PTPRD: variants seen among roughly 807,000 people sequenced by gnomAD.
PTPRD encodes the protein receptor-type tyrosine-protein phosphatase delta.
In PTPRD, 34 loss-of-function variants were observed where a neutral mutation model predicts 214.5. The ratio of observed to expected loss-of-function variants is 0.16; its 90% CI spans 0.12 to 0.21. The LOEUF (loss-of-function observed/expected upper bound fraction) is 0.21, where lower values mean the gene tolerates loss of function less well. Ranked by LOEUF, PTPRD falls within the 10% of genes least tolerant of loss-of-function variation. PTPRD has a pLI of 1.00. For synonymous variants in PTPRD, 1,128 were observed against 845.7 expected (o/e 1.33, Z -5.79); for missense variants, 2,545 against 2,398.7 (o/e 1.06, Z -1.27).
At chr9:8,448,167 T>TA (rs910530391) in intron 34 of PTPRD, among the ~76,000 whole-genome samples, 44 of 145,880 alleles carry the variant, frequency 3.0e-4, no homozygotes, top group Admixed American at 4.8e-4. Flanking sequence ...TCCACAAAAA[T>TA]AAAAAAAAAA....
intron 35 of PTPRD, among the ~76,000 whole-genome samples, chr9:8,408,110 CT>C (rs2093182306): frequency 6.6e-6 from 1 of 152,102 alleles, no homozygotes; most frequent in Non-Finnish European, 1.5e-5. Flanking sequence ...TGCTGCTGTC[CT>C]CTTAAGGAAG....
chr9:8,542,987 T>C (rs1554752120), intron 14 of PTPRD, among the ~76,000 whole-genome samples: 1 of 152,128 alleles, frequency 6.6e-6, no homozygotes, highest in Non-Finnish European at 1.5e-5. Flanking sequence ...CACAAAATAT[T>C]AGAGTATGAC....
intron 5 of PTPRD, among the ~76,000 whole-genome samples, chr9:9,806,274 CA>C (rs143889921): frequency 2.0e-5 from 3 of 149,548 alleles, no homozygotes; most frequent in East Asian, 2.0e-4. Flanking sequence ...TAGACAGTGC[CA>C]AAAAAAAAGG....
intron 4 of PTPRD, among the ~76,000 whole-genome samples, chr9:10,019,975 A>G (rs562831760): frequency 3.3e-5 from 5 of 152,318 alleles, no homozygotes; most frequent in Admixed American, 3.3e-4. Context: ...GTTAATTCAT[A>G]TACAGGTTAA....
At chr9:9,010,520 G>T (rs556026020) in intron 11 of PTPRD, among the ~76,000 whole-genome samples, 1 of 152,274 alleles carries the variant, frequency 6.6e-6, no homozygotes, top group African/African-American at 2.4e-5. Context: ...GGAAAGAGGA[G>T]TTCTGTTATT....
At chr9:9,301,498 G>A (rs1224505518) in intron 9 of PTPRD, among the ~76,000 whole-genome samples, 1 of 103,444 alleles carries the variant, frequency 9.7e-6, no homozygotes, top group Non-Finnish European at 2.0e-5. Context: ...GTTACCTTGG[G>A]AAATTTTGTG....
intron 2 of PTPRD, among the ~76,000 whole-genome samples, chr9:10,515,632 A>G (rs1250270274): frequency 1.3e-5 from 2 of 151,982 alleles, no homozygotes; most frequent in Non-Finnish European, 2.9e-5. Flanking sequence ...ACAGATTTTT[A>G]AAAGTACAAT....
chr9:9,688,463 T>C (rs1333190433), intron 7 of PTPRD, among the ~76,000 whole-genome samples: 1 of 151,930 alleles, frequency 6.6e-6, no homozygotes, highest in Non-Finnish European at 1.5e-5. Context: ...CAATGTTTTG[T>C]TGTTGCTGCT....
At chr9:9,023,593 G>A (rs768648591) in intron 10 of PTPRD, among the ~76,000 whole-genome samples, 2 of 151,702 alleles carry the variant, frequency 1.3e-5, no homozygotes, top group Non-Finnish European at 2.9e-5. Context: ...TTTGTTACAG[G>A]GGTATATCGC....
chr9:9,514,427 G>A (rs978366348), intron 8 of PTPRD, among the ~76,000 whole-genome samples: 7 of 152,072 alleles, frequency 4.6e-5, no homozygotes. Context: ...GATGAAGCTA[G>A]AGCAAAAGAC....
rs147034790 is a variant in PTPRD at position 9,971,930 on chromosome 9, C to T, written c.-471-33320G>A. ...CTCTCTTTGGAAACATTGCTGGTAACATATTAGAACTTCAGCTTTAGTGAC... is the reference window on the plus strand; with the variant it reads ...CTCTCTTTGGAAACATTGCTGGTAATATATTAGAACTTCAGCTTTAGTGAC... On this transcript the variant is annotated intron_variant, in intron 4 of 45. Transcript: ENST00000381196. Among the ~76,000 whole-genome samples the T allele has an allele frequency of 8.6e-3, 1,311 of 152,096 alleles. 13 individuals are homozygous for T. The highest frequency in any genetic ancestry group is 0.015 in the Non-Finnish European group (1,003 of 67,974).
intron 2 of PTPRD, among the ~76,000 whole-genome samples, chr9:10,519,546 G>C (rs2051437848): frequency 6.6e-6 from 1 of 152,000 alleles, no homozygotes; most frequent in East Asian, 1.9e-4. Context: ...TGAGTATAAT[G>C]TGTCTTAGCA....
intron 12 of PTPRD, among the ~76,000 whole-genome samples, chr9:8,693,907 T>A (rs1470229965): frequency 6.6e-6 from 1 of 152,214 alleles, no homozygotes; most frequent in African/African-American, 2.4e-5. Flanking sequence ...AGCCCTCAGA[T>A]TTTCCTAAAT....
At chr9:8,583,715 G>A (rs1448458472) in intron 14 of PTPRD, among the ~76,000 whole-genome samples, 3 of 152,152 alleles carry the variant, frequency 2.0e-5, no homozygotes, top group African/African-American at 7.2e-5. Context: ...GGAGGTGGGA[G>A]GATGGAAATG....
At chr9:9,648,855 C>G (rs755281980) in intron 7 of PTPRD, among the ~76,000 whole-genome samples, 5 of 151,968 alleles carry the variant, frequency 3.3e-5, no homozygotes, top group Non-Finnish European at 5.9e-5. Flanking sequence ...AGATGGGAAA[C>G]AGAAAAATGA....
chr9:9,761,599 T>G (rs1466830644), intron 6 of PTPRD, among the ~76,000 whole-genome samples: 1 of 152,150 alleles, frequency 6.6e-6, no homozygotes, highest in Non-Finnish European at 1.5e-5. Flanking sequence ...TCAATTTCAA[T>G]ATGCTGGTTG....
At chr9:10,280,435 C>T (rs184165250) in intron 3 of PTPRD, among the ~76,000 whole-genome samples, 1,652 of 151,988 alleles carry the variant, frequency 0.011, 33 homozygotes, top group African/African-American at 0.033. Flanking sequence ...AGACCATCTC[C>T]ACCAAATTCA....
chr9:9,820,975 A>G (rs1322011022), intron 5 of PTPRD, among the ~76,000 whole-genome samples: 1 of 152,002 alleles, frequency 6.6e-6, no homozygotes, highest in Non-Finnish European at 1.5e-5. Context: ...TTGGTTCCAT[A>G]TGAATTTTAG....
At chr9:10,517,381 T>A (rs918280403) in intron 2 of PTPRD, among the ~76,000 whole-genome samples, 1 of 152,080 alleles carries the variant, frequency 6.6e-6, no homozygotes, top group Admixed American at 6.5e-5. Flanking sequence ...TCTGTTAGTG[T>A]ATCAACAATG....
Sources: gnomAD v4.1 joint callset for allele counts (sites outside exome capture counted in the v4.1 genomes callset) on GRCh38, gnomAD v4.1.1 for gene constraint, MANE v1.5 for transcripts, NCBI Gene and HGNC (gene_info 2026-07-23, HGNC 2026-07-21) for gene names.